Variants in UTRN observed in about 807,000 individuals in gnomAD.
The protein encoded by UTRN is utrophin.
A neutral mutation model predicts 463.9 loss-of-function variants in UTRN; 283 were observed. The ratio of observed to expected loss-of-function variants is 0.61; its 90% CI spans 0.55 to 0.67. UTRN has a LOEUF of 0.67. UTRN is among the 30% of genes least tolerant of loss of function. The probability of loss-of-function intolerance (pLI) is 0.00; values close to 1 mark genes in which losing one functional copy is unlikely to be tolerated. For synonymous variants in UTRN, 1,442 were observed against 1,431.5 expected, an observed-to-expected ratio of 1.01 and a Z score of -0.17; for missense variants, 3,922 against 4,084.3, an observed-to-expected ratio of 0.96 and a Z score of 1.08.
At chr6:144,783,785 A>G (rs1334982957) in intron 61 of UTRN, among the ~76,000 whole-genome samples, 1 of 152,192 alleles carries the variant, frequency 6.6e-6, no homozygotes, top group African/African-American at 2.4e-5. Context: ...CATAAATATC[A>G]TAACAAAGTC....
chr6:144,604,639 C>T (rs779318794), intron 51 of UTRN, among the ~76,000 whole-genome samples: 1 of 151,938 alleles, frequency 6.6e-6, no homozygotes, highest in Non-Finnish European at 1.5e-5. Flanking sequence ...AAAGGCCAGG[C>T]GTGGTGACTC....
chr6:144,654,634 G>A (rs1198847114), intron 51 of UTRN, among the ~76,000 whole-genome samples: 2 of 152,224 alleles, frequency 1.3e-5, no homozygotes, highest in Admixed American at 1.3e-4. Flanking sequence ...CCAGAGCCCT[G>A]TGGATTTAGT....
chr6:144,763,898 G>C lies in UTRN; in HGVS notation c.8495+5909G>C, dbSNP rs117640595. Reference sequence around the variant, plus strand: ...TCTTTATTTCTCCCTTCCCTCTTTCGTGAAGATGAGGGATGGTATCTTTTT... The same window carrying C: ...TCTTTATTTCTCCCTTCCCTCTTTCCTGAAGATGAGGGATGGTATCTTTTT... On this transcript the variant is annotated intron_variant, in intron 58 of 74. Coordinates refer to ENST00000367545, the MANE Select transcript of UTRN (RefSeq NM_007124.3). 4.2e-3 allele frequency among the ~76,000 whole-genome samples: 644 copies of C among 152,166 alleles called. 7 individuals are homozygous for C. Among genetic ancestry groups the C allele is most frequent in the African/African-American group, 0.015 (622 of 41,516 alleles).
chr6:144,771,067 C>T (rs1793949478), intron 58 of UTRN, among the ~76,000 whole-genome samples: 1 of 152,120 alleles, frequency 6.6e-6, no homozygotes, highest in Non-Finnish European at 1.5e-5. Flanking sequence ...TTGGAGGATT[C>T]GTTCTGAATG....
intron 2 of UTRN, among the ~76,000 whole-genome samples, chr6:144,370,606 T>A (rs1779898638): frequency 6.6e-6 from 1 of 152,148 alleles, no homozygotes; most frequent in Admixed American, 6.5e-5. Context: ...GGGAACTGCC[T>A]AATGGAGCTG....
intron 2 of UTRN, among the ~76,000 whole-genome samples, chr6:144,310,351 A>G (rs1213203621): frequency 2.0e-5 from 3 of 151,986 alleles, no homozygotes; most frequent in African/African-American, 7.2e-5. Flanking sequence ...AGCCTGGCCA[A>G]CATGGAGCAA....
At chr6:144,629,733 T>A (rs1361860329) in intron 51 of UTRN, among the ~76,000 whole-genome samples, 1 of 152,254 alleles carries the variant, frequency 6.6e-6, no homozygotes, top group Non-Finnish European at 1.5e-5. Flanking sequence ...GAAACTTTGC[T>A]TCTGCTTTAG....
At chr6:144,457,939 A>C (rs1449810640) in intron 19 of UTRN, among the ~76,000 whole-genome samples, 1 of 152,210 alleles carries the variant, frequency 6.6e-6, no homozygotes, top group African/African-American at 2.4e-5. Context: ...GATTCCTTTG[A>C]AGATTTCCCA....
intron 63 of UTRN, among the ~76,000 whole-genome samples, chr6:144,796,327 A>G (rs1337292652): frequency 1.3e-5 from 2 of 151,916 alleles, no homozygotes; most frequent in African/African-American, 4.8e-5. Context: ...TAAAGGCTCT[A>G]CCTCCTCGTA....
At chr6:144,524,887 G>A (rs1007459811) in intron 41 of UTRN, among the ~76,000 whole-genome samples, 12 of 152,192 alleles carry the variant, frequency 7.9e-5, no homozygotes, top group Admixed American at 7.2e-4. Context: ...ATTTTGCTGA[G>A]AATTTTAATC....
At chr6:144,549,569 A>G (rs1337012728) in intron 47 of UTRN, among the ~76,000 whole-genome samples, 1 of 152,226 alleles carries the variant, frequency 6.6e-6, no homozygotes, top group Non-Finnish European at 1.5e-5. Context: ...CTGAGTGCAT[A>G]TGAGTTGACA....
intron 2 of UTRN, among the ~76,000 whole-genome samples, chr6:144,320,910 T>G (rs1490588997): frequency 1.3e-5 from 2 of 152,222 alleles, no homozygotes; most frequent in African/African-American, 4.8e-5. Context: ...ATTTACTTAT[T>G]GTCTTTCCCT....
chr6:144,816,497 GTTTTAC>G (rs71781883), intron 65 of UTRN, among the ~76,000 whole-genome samples: 2,787 of 151,984 alleles, frequency 0.018, 83 homozygotes, highest in African/African-American at 0.063. Flanking sequence ...TATATATTTT[GTTTTAC>G]TTTAAAATAA....
chr6:144,476,168 G>C (rs1791174806), intron 25 of UTRN, among the ~76,000 whole-genome samples: 2 of 149,860 alleles, frequency 1.3e-5, no homozygotes, highest in South Asian at 4.3e-4. Context: ...ATGCCAGTCT[G>C]GTCAGATGCT....
At position 144,440,320 on chromosome 6, in the gene UTRN, A is replaced by G. The variant is rs1227151200; in HGVS notation, c.1393-32A>G. On this transcript the variant is annotated intron_variant, in intron 12 of 74. Coordinates refer to ENST00000367545, the MANE Select transcript of UTRN (RefSeq NM_007124.3). ...TTTAAATAGGTAAATGTGAAAGTAG[A>G]AATAATGGTTTATCTTAATTTTTTT... 3 of 1,612,900 alleles carry G rather than the reference A, an allele frequency of 1.9e-6. No individual in the cohort carries two copies. The African/African-American group carries it at 4.0e-5, about 22-fold the overall frequency.
At chr6:144,328,986 T>C (rs371695183) in intron 2 of UTRN, among the ~76,000 whole-genome samples, 93 of 151,832 alleles carry the variant, frequency 6.1e-4, no homozygotes, top group Middle Eastern at 3.4e-3. Flanking sequence ...AGTTACACCA[T>C]GTTGGCCAGC....
intron 54 of UTRN, among the ~76,000 whole-genome samples, chr6:144,731,669 T>C (rs909098294): frequency 6.6e-6 from 1 of 152,142 alleles, no homozygotes; most frequent in South Asian, 2.1e-4. Context: ...ACTAGTTGTA[T>C]ATATGTGTGT....
intron 58 of UTRN, among the ~76,000 whole-genome samples, chr6:144,771,426 A>G (rs1199583112): frequency 6.6e-6 from 1 of 151,810 alleles, no homozygotes; most frequent in Non-Finnish European, 1.5e-5. Flanking sequence ...ATTTATTATT[A>G]ATATTTTTTA....
chr6:144,847,762 T>G (rs1782147560), intron 74 of UTRN, among the ~76,000 whole-genome samples: 1 of 152,210 alleles, frequency 6.6e-6, no homozygotes, highest in African/African-American at 2.4e-5. Context: ...GTCACTGGCC[T>G]TCTATCTTTG....
Sources: gnomAD v4.1 joint callset for allele counts (sites outside exome capture counted in the v4.1 genomes callset) on GRCh38, gnomAD v4.1.1 for gene constraint, MANE v1.5 for transcripts, NCBI Gene and HGNC (gene_info 2026-07-23, HGNC 2026-07-21) for gene names.